Variants in PCDHGA8 observed in about 807,000 individuals in gnomAD.
PCDHGA8 encodes protocadherin gamma subfamily A, 8, also known as protocadherin gamma-A8.
Under a neutral mutation model 59.2 loss-of-function variants are expected in PCDHGA8, and 45 were observed. The observed-to-expected ratio is 0.76, with a 90% confidence interval of 0.60 to 0.98. The LOEUF (loss-of-function observed/expected upper bound fraction) is 0.98. PCDHGA8 is among the 50% of genes least tolerant of loss of function. The pLI is 0.00. For synonymous variants in PCDHGA8, 531 were observed against 519.0 expected, an observed-to-expected ratio of 1.02 and a Z score of -0.32; for missense variants, 1,257 against 1,196.2, an observed-to-expected ratio of 1.05 and a Z score of -0.75.
chr5:141,398,787 A>T, intron 1 of PCDHGA8: 1 of 1,613,902 alleles, frequency 6.2e-7, no homozygotes, highest in African/African-American at 1.3e-5. Flanking sequence ...GTGGACATCC[A>T]CCCCTAAGCG....
chr5:141,415,461 T>G, intron 1 of PCDHGA8: 1 of 1,614,180 alleles, frequency 6.2e-7, no homozygotes, highest in African/African-American at 1.3e-5. Flanking sequence ...ACGAGGTCTC[T>G]CTCACCGCGG....
At chr5:141,456,492 G>C (rs542424798) in intron 1 of PCDHGA8, among the ~76,000 whole-genome samples, 1 of 152,284 alleles carries the variant, frequency 6.6e-6, no homozygotes, top group African/African-American at 2.4e-5. Flanking sequence ...GCTTAATAAA[G>C]GGGTTAACCA....
In PCDHGA8 at chr5:141,486,049, C is replaced by T. The variant is rs766853468; in HGVS notation, c.2425-8758C>T. 1 of 1,614,206 alleles carries T rather than the reference C, an allele frequency of 6.2e-7. No homozygotes were observed. The highest frequency in any genetic ancestry group is 8.5e-7 in the Non-Finnish European group (1 of 1,180,034). ...ATACCCCTGATCGTGTAAGAAACCT[C>T]TTTAGCCTGCACCCCACTACTGGAA... On this transcript the variant is annotated intron_variant, in intron 1 of 3. Transcript: ENST00000398604. The surrounding 1 kb of genome is among the most constrained non-coding windows in gnomAD (Gnocchi z 5.0).
At chr5:141,403,146 G>T (rs1400601984) in intron 1 of PCDHGA8, 2 of 1,614,056 alleles carry the variant, frequency 1.2e-6, no homozygotes, top group Middle Eastern at 1.6e-4. Context: ...CGCCGAGTCC[G>T]CATCGTCTCT....
intron 1 of PCDHGA8, among the ~76,000 whole-genome samples, chr5:141,439,341 G>A (rs1464427300): frequency 6.6e-6 from 1 of 152,166 alleles, no homozygotes; most frequent in East Asian, 1.9e-4. Context: ...AAGATTCTAA[G>A]CCTACAAATA....
Position 141,431,583 on chromosome 5 carries a change from C to A in PCDHGA8, c.2424+36346C>A, listed in dbSNP as rs771534481. On this transcript the variant is annotated intron_variant, in intron 1 of 3. Transcript: ENST00000398604. The surrounding 1 kb of genome is among the most constrained non-coding windows in gnomAD (Gnocchi z 4.8). ...ACCGACCCTGACGAAGGAGTCAATGCGGAAGTGAGGTATTCCTTCCGGTAT... is the reference window on the plus strand; with the variant it reads ...ACCGACCCTGACGAAGGAGTCAATGAGGAAGTGAGGTATTCCTTCCGGTAT... The A allele has an allele frequency of 1.1e-5, 18 of 1,614,008 alleles. No individual in the cohort carries two copies. In the South Asian group the frequency reaches 1.2e-4, roughly 11 times the overall value.
At position 141,477,868 on chromosome 5, in the gene PCDHGA8, C is replaced by G; in HGVS notation, c.2425-16939C>G. Reference sequence around the variant, plus strand: ...CGGTGGAGATGCTGCCTCGAGGTACCTCAGCTGGCCACCTAGTGTCACGGG... The same window carrying G: ...CGGTGGAGATGCTGCCTCGAGGTACGTCAGCTGGCCACCTAGTGTCACGGG... On this transcript the variant is annotated intron_variant, in intron 1 of 3. Coordinates refer to ENST00000398604, the MANE Select transcript of PCDHGA8 (RefSeq NM_032088.2). The surrounding 1 kb of genome is among the most constrained non-coding windows in gnomAD (Gnocchi z 4.9). 1 of 1,613,750 alleles carries G rather than the reference C, an allele frequency of 6.2e-7. No individual in the cohort carries two copies. Among genetic ancestry groups the G allele is most frequent in the Non-Finnish European group, 8.5e-7 (1 of 1,179,908 alleles).
Position 141,394,769 on chromosome 5 carries a change from C to A in PCDHGA8, c.1956C>A (p.Pro652=). The A allele has an allele frequency of 6.2e-7, 1 of 1,613,514 alleles. No individual in the cohort carries two copies. The highest frequency in any genetic ancestry group is 1.3e-5 in the African/African-American group (1 of 75,072). Reference sequence around the variant, plus strand: ...TGGCCGTCCAGGACCATGGCCAGCCCCCTCTCTCCGCCACTGTCACGCTCA... The same window carrying A: ...TGGCCGTCCAGGACCATGGCCAGCCACCTCTCTCCGCCACTGTCACGCTCA... The part of the protein sequence containing the change: ...LVVAVQDHGQ[P]PLSATVTLTV... The change falls in exon 1 of 4, where the codon CCC becomes CCA. Residue 652 remains proline (P), a synonymous_variant. Transcript: ENST00000398604.
intron 1 of PCDHGA8, chr5:141,414,659 T>A (rs566999623): frequency 6.2e-7 from 1 of 1,614,010 alleles, no homozygotes; most frequent in South Asian, 1.1e-5. Flanking sequence ...ATTTACTCCC[T>A]GGCTGAAGAC....
chr5:141,423,185 C>T (rs996177363), intron 1 of PCDHGA8: 7 of 1,613,492 alleles, frequency 4.3e-6, no homozygotes, highest in Non-Finnish European at 5.9e-6. Context: ...CACGGCCAGC[C>T]CCCTCTCTCG....
chr5:141,455,133 C>G (rs1172825339), intron 1 of PCDHGA8, among the ~76,000 whole-genome samples: 2 of 151,392 alleles, frequency 1.3e-5, no homozygotes, highest in African/African-American at 4.9e-5. Context: ...TTAAATTACA[C>G]TGTGTTAAAT....
intron 3 of PCDHGA8, among the ~76,000 whole-genome samples, chr5:141,510,204 C>T (rs1403130911): frequency 1.3e-5 from 2 of 150,304 alleles, no homozygotes; most frequent in Admixed American, 1.3e-4. Flanking sequence ...GCCCAGGAGG[C>T]AGAGGTTGCA....
rs560197175 is a variant in PCDHGA8, at chr5:141,434,430, G to A, written c.2424+39193G>A. Among the ~76,000 whole-genome samples the A allele has an allele frequency of 2.4e-4, 36 of 152,326 alleles. 1 individual carries two copies. In the South Asian group the frequency reaches 6.4e-3, roughly 27 times the overall value. On this transcript the variant is annotated intron_variant, in intron 1 of 3. Coordinates refer to ENST00000398604, the MANE Select transcript of PCDHGA8 (RefSeq NM_032088.2). ...GCACTGTGACATGTTCATGATGGCC[G>A]TAATGCCCATGCTGGAAGGTAGTGG...
At position 141,393,900 on chromosome 5, in the gene PCDHGA8, G is replaced by A. The variant is rs1048161107; in HGVS notation, c.1087G>A (p.Gly363Arg). ...FSPVLENSLP[G>R]TVIAFLSVHD... ...CCCAGTGTTAGAAAATTCTCTTCCC[G>A]GGACAGTAATTGCCTTCTTGAGTGT... The change falls in exon 1 of 4, where the codon GGG becomes AGG. Residue 363 changes from glycine to arginine, a missense_variant. Gly to Arg is a moderately radical substitution (Grantham distance 125). Coordinates refer to ENST00000398604, the MANE Select transcript of PCDHGA8 (RefSeq NM_032088.2). The A allele has an allele frequency of 3.7e-6, 6 of 1,613,906 alleles. No individual in the cohort carries two copies. The highest frequency in any genetic ancestry group is 1.1e-5 in the South Asian group (1 of 91,078).
At position 141,393,645 on chromosome 5, in the gene PCDHGA8, G is replaced by A. The variant is rs2092814255; in HGVS notation, c.832G>A (p.Ala278Thr). The A allele has an allele frequency of 6.2e-7, 1 of 1,613,752 alleles. No individual in the cohort carries two copies. The highest frequency in any genetic ancestry group is 8.5e-7 in the Non-Finnish European group (1 of 1,179,902). The change falls in exon 1 of 4, where the codon GCA (alanine) becomes ACA (threonine). Residue 278 changes from alanine to threonine, a missense_variant. By Grantham distance (58) the Ala-to-Thr change is moderately conservative. Coordinates refer to ENST00000398604, the MANE Select transcript of PCDHGA8 (RefSeq NM_032088.2). Reference protein sequence around the residue: ...DPDEGINGKVAYKFRKINEKQ... With the variant: ...DPDEGINGKVTYKFRKINEKQ... ...GGATGAGGGAATCAACGGAAAAGTG[G>A]CATACAAATTCCGGAAAATTAATGA...
At position 141,485,069 on chromosome 5, in the gene PCDHGA8, G is replaced by A. The variant is rs1185236732; in HGVS notation, c.2425-9738G>A. 1.1e-6 allele frequency: 1 copy of A among 905,912 alleles called. No homozygotes were observed. Among genetic ancestry groups the A allele is most frequent in the Non-Finnish European group, 1.7e-6 (1 of 577,940 alleles). The allele number at this position is 905,912 out of a possible 1,614,324, so 56.1% of individuals were successfully genotyped here. A position where few individuals can be genotyped will look rare whatever the true frequency, so the allele number is the denominator to read the frequency against. On this transcript the variant is annotated intron_variant, in intron 1 of 3. Coordinates refer to ENST00000398604, the MANE Select transcript of PCDHGA8 (RefSeq NM_032088.2). This position sits in a 1 kb window ranked among gnomAD's most constrained non-coding sequence, Gnocchi z 5.7. ...GCGCCGGCCGAACCGCGCCAGAGCTGGCGCGGGGAAAGGGAGATAGGTGTC... is the reference window on the plus strand; with the variant it reads ...GCGCCGGCCGAACCGCGCCAGAGCTAGCGCGGGGAAAGGGAGATAGGTGTC...
rs369595307 is a variant in PCDHGA8, at chr5:141,394,005, A to G, written c.1192A>G (p.Ile398Val). Residue 398 changes from isoleucine to valine, a missense_variant, in exon 1 of 4, where the codon ATA (isoleucine) becomes GTA (valine). By Grantham distance (29) the Ile-to-Val change is conservative. Coordinates refer to ENST00000398604, the MANE Select transcript of PCDHGA8 (RefSeq NM_032088.2). ...TTTACCTTTTAAATTAGAAAAGTCA[A>G]TAGGTAATTATTATAGATTAGTGAC... ...DNLPFKLEKS[I>V]GNYYRLVTRK... 52 of 1,613,340 alleles carry G rather than the reference A, an allele frequency of 3.2e-5. No individual in the cohort carries two copies. In the African/African-American group the frequency reaches 5.6e-4, roughly 17 times the overall value.
chr5:141,423,174 C>T (rs1203454000), intron 1 of PCDHGA8: 1 of 1,613,484 alleles, frequency 6.2e-7, no homozygotes, highest in South Asian at 1.1e-5. Flanking sequence ...CCGTCCAGGA[C>T]CACGGCCAGC....
chr5:141,502,862 C>T (rs2099816351), intron 2 of PCDHGA8, among the ~76,000 whole-genome samples: 1 of 68,558 alleles, frequency 1.5e-5, no homozygotes, highest in African/African-American at 1.0e-4. Context: ...CCCTGACTCT[C>T]TGTCTTTTTT....
Sources: allele counts gnomAD v4.1 joint callset (sites outside exome capture counted in the v4.1 genomes callset), GRCh38; gene constraint gnomAD v4.1.1; non-coding constraint Gnocchi (gnomAD v3.1); transcripts MANE v1.5; gene names NCBI Gene and HGNC (gene_info 2026-07-23, HGNC 2026-07-21).